The following FMO4 variants were observed in gnomAD, a reference collection of about 807,000 sequenced individuals.
FMO4 encodes the protein flavin containing dimethylaniline monoxygenase 4.
A neutral mutation model predicts 43.3 loss-of-function variants in FMO4; 38 were observed. The ratio of observed to expected loss-of-function variants is 0.88; its 90% CI spans 0.68 to 1.15. The LOEUF (loss-of-function observed/expected upper bound fraction) is 1.15. Among genes scored for constraint, FMO4 ranks in the 50% most tolerant of loss-of-function variants. The probability of loss-of-function intolerance (pLI) is 0.00; values close to 1 mark genes in which losing one functional copy is unlikely to be tolerated. For synonymous variants in FMO4, 224 were observed against 232.2 expected (o/e 0.96, Z 0.32); for missense variants, 631 against 663.3 (o/e 0.95, Z 0.54).
intron 3 of FMO4, among the ~76,000 whole-genome samples, chr1:171,321,444 A>G (rs1662419842): frequency 6.6e-6 from 1 of 152,166 alleles, no homozygotes. Flanking sequence ...TAGCCTACAC[A>G]CATCCTCCTG....
In FMO4 at chr1:171,317,858, A is replaced by G. The variant is rs1662258575; in HGVS notation, c.-9+1531A>G. On this transcript the variant is annotated intron_variant, in intron 2 of 9. Transcript: ENST00000367749. ...ATTCTTTAGGACTCTAAATGCTTTG[A>G]ATCAAAACCAACATTTCTACTGACT... Among the ~76,000 whole-genome samples, 4 of 152,304 alleles carry G rather than the reference A, an allele frequency of 2.6e-5. No individual in the cohort carries two copies. In the South Asian group the frequency reaches 8.3e-4, roughly 32 times the overall value.
intron 5 of FMO4, among the ~76,000 whole-genome samples, chr1:171,330,192 G>A (rs1414598804): frequency 6.6e-5 from 10 of 152,208 alleles, no homozygotes; most frequent in African/African-American, 1.9e-4. Context: ...AAAGGAACTT[G>A]AAGCCTTGGA....
chr1:171,332,630 T>A, intron 6 of FMO4, 79 bp from the exon 7 acceptor site: 1 of 1,188,886 alleles, frequency 8.4e-7, no homozygotes, highest in South Asian at 1.3e-5. Context: ...TGGAATAAGA[T>A]CATTTGAAAC....
In FMO4 at chr1:171,341,306, C is replaced by T. The variant is rs1290587054; in HGVS notation, c.1251-107C>T. The stretch of plus-strand genomic sequence containing the variant: ...AACATTCCCAAATATGGTTTGATTT[C>T]CCCCAAAAAATGTAACAAAATGGTG... On this transcript the variant is annotated intron_variant, in intron 9 of 9. Transcript: ENST00000367749. 7 of 773,972 alleles carry T rather than the reference C, an allele frequency of 9.0e-6. No individual in the cohort carries two copies. In the African/African-American group the frequency reaches 1.0e-4, roughly 12 times the overall value. The allele number at this position is 773,972 out of a possible 1,614,324, so 47.9% of individuals were successfully genotyped here.
In FMO4 at chr1:171,337,411, A is replaced by G. The variant is rs1166499900; in HGVS notation, c.1236A>G (p.Glu412=). 6.2e-7 allele frequency: 1 copy of G among 1,610,190 alleles called. No individual in the cohort carries two copies. The highest frequency in any genetic ancestry group is 1.3e-5 in the African/African-American group (1 of 74,958). ...QKLMMEATEK[E]QLIKRGVFKD... The stretch of plus-strand genomic sequence containing the variant: ...TGATGATGGAGGCTACTGAAAAGGA[A>G]CAGCTCATTAAAAGGTATGAAATGT... Residue 412 remains glutamate (E), a synonymous_variant, in exon 9 of 10, where the codon GAA becomes GAG. Coordinates refer to ENST00000367749, the MANE Select transcript of FMO4 (RefSeq NM_002022.3).
rs79326921 is a variant in FMO4, at chr1:171,336,388, T to G, written c.1181-968T>G. Among the ~76,000 whole-genome samples the G allele has an allele frequency of 7.9e-3, 1,207 of 152,150 alleles. 17 individuals carry two copies. The highest frequency in any genetic ancestry group is 0.028 in the African/African-American group (1,152 of 41,512). On this transcript the variant is annotated intron_variant, in intron 8 of 9. Coordinates refer to ENST00000367749, the MANE Select transcript of FMO4 (RefSeq NM_002022.3). ...GGACAACTGCAGAGAATTATCAGGG[T>G]GCAAGCTGTTAAGGGAGAATAAGGT...
At chr1:171,330,469 A>C (rs1027485885) in intron 5 of FMO4, among the ~76,000 whole-genome samples, 1 of 152,228 alleles carries the variant, frequency 6.6e-6, no homozygotes, top group Non-Finnish European at 1.5e-5. Context: ...TCATAAAGGA[A>C]AGAAGTTTAA....
chr1:171,339,758 T>A (rs45589839), intron 9 of FMO4, among the ~76,000 whole-genome samples: 266 of 152,228 alleles, frequency 1.7e-3, no homozygotes, highest in African/African-American at 6.2e-3. Flanking sequence ...GAGGAACAGT[T>A]GATGAAGCTG....
intron 2 of FMO4, among the ~76,000 whole-genome samples, chr1:171,318,668 C>G (rs921307814): frequency 1.3e-5 from 2 of 152,068 alleles, no homozygotes; most frequent in African/African-American, 2.4e-5. Context: ...TGGAGTATTT[C>G]AAATTTTGGA....
At chr1:171,316,967 A>T (rs989476399) in intron 2 of FMO4, among the ~76,000 whole-genome samples, 1 of 152,172 alleles carries the variant, frequency 6.6e-6, no homozygotes, top group Admixed American at 6.5e-5. Context: ...GACAAGCTAC[A>T]GAGCCATAGA....
chr1:171,331,863 C>T, intron 6 of FMO4, 81 bp downstream of exon 6: 1 of 1,262,768 alleles, frequency 7.9e-7, no homozygotes, highest in Non-Finnish European at 1.1e-6. Flanking sequence ...CTATGAAGTA[C>T]ATTGGCCAAT....
chr1:171,334,572 A>G lies in FMO4; in HGVS notation c.989A>G (p.Tyr330Cys). 6.2e-7 allele frequency: 1 copy of G among 1,613,776 alleles called. No homozygotes were observed. The highest frequency in any genetic ancestry group is 8.5e-7 in the Non-Finnish European group (1 of 1,179,726). The change falls in exon 8 of 10, where the codon TAT (tyrosine) becomes TGT (cysteine). Residue 330 changes from tyrosine (Y) to cysteine (C), a missense_variant. Physicochemically the swap from Tyr to Cys is radical, Grantham distance 194. Coordinates refer to ENST00000367749, the MANE Select transcript of FMO4 (RefSeq NM_002022.3). Reference protein sequence around the residue: ...NIDVVIFTTGYTFSFPFFEEP... With the variant: ...NIDVVIFTTGCTFSFPFFEEP... Reference sequence around the variant, plus strand: ...GATGTTGTGATCTTCACTACAGGATATACATTTTCTTTTCCATTTTTTGAA... The same window carrying G: ...GATGTTGTGATCTTCACTACAGGATGTACATTTTCTTTTCCATTTTTTGAA...
chr1:171,317,237 C>G lies in FMO4; in HGVS notation c.-9+910C>G, dbSNP rs1490534637. Among the ~76,000 whole-genome samples the G allele has an allele frequency of 2.6e-5, 4 of 152,150 alleles. No individual in the cohort carries two copies. The South Asian group carries it at 8.3e-4, about 31-fold the overall frequency. ...TCAAAAAATATATGCTCTCTTGTTT[C>G]CCCAAGGCAAATACCACTGTGATAA... On this transcript the variant is annotated intron_variant, in intron 2 of 9. Transcript: ENST00000367749.
At chr1:171,319,737 C>T (rs1662327344) in intron 2 of FMO4, 81 bp from the exon 3 acceptor site, 6 of 1,262,870 alleles carry the variant, frequency 4.8e-6, no homozygotes, top group Non-Finnish European at 6.8e-6. Flanking sequence ...ATATATAGCA[C>T]TACAAAAATT....
chr1:171,320,882 T>C (rs908360985), intron 3 of FMO4, among the ~76,000 whole-genome samples: 2 of 151,994 alleles, frequency 1.3e-5, no homozygotes, highest in Non-Finnish European at 2.9e-5. Context: ...CTAAATGCTA[T>C]AGGGGAAAAG....
At position 171,341,583 on chromosome 1, in the gene FMO4, T is replaced by C. The variant is rs760692543; in HGVS notation, c.1421T>C (p.Met474Thr). 141 of 1,613,916 alleles carry C rather than the reference T, an allele frequency of 8.7e-5. 2 individuals are homozygous for C. In the South Asian group the frequency reaches 1.5e-3, roughly 17 times the overall value. The stretch of plus-strand genomic sequence containing the variant: ...TGTACTCCTTATCAGTACCGCCTCA[T>C]GGGCCCTGGAAAATGGGATGGAGCC... ...GPCTPYQYRL[M>T]GPGKWDGARN... The change falls in exon 10 of 10, where the codon ATG becomes ACG. Residue 474 changes from methionine to threonine, a missense_variant. Coordinates refer to ENST00000367749, the MANE Select transcript of FMO4 (RefSeq NM_002022.3).
At chr1:171,320,444 G>T (rs561920663) in intron 3 of FMO4, among the ~76,000 whole-genome samples, 16 of 152,148 alleles carry the variant, frequency 1.1e-4, no homozygotes, top group African/African-American at 3.9e-4. Flanking sequence ...CTTGTGGGAG[G>T]GGGAGGGTTC....
chr1:171,314,235 G>GA lies in FMO4; in HGVS notation c.-325dup, dbSNP rs925452114. Reference sequence around the variant, plus strand: ...ACTTTCTGCTGTCACTAGCATAACAGAAAAGACGAATGGCTTTTGTTTTAA... The same window carrying GA: ...ACTTTCTGCTGTCACTAGCATAACAGAAAAAGACGAATGGCTTTTGTTTTAA... On this transcript the variant is annotated 5_prime_UTR_variant, in exon 1 of 10. Transcript: ENST00000367749. 3.0e-4 allele frequency: 46 copies of GA among 152,064 alleles called. No individual in the cohort carries two copies. Among genetic ancestry groups the GA allele is most frequent in the Middle Eastern group, 3.4e-3 (1 of 294 alleles). 9.4% of individuals were successfully genotyped at this position (152,064 alleles called of 1,614,324 possible). A position where few individuals can be genotyped will look rare whatever the true frequency, so the allele number is the denominator to read the frequency against.
chr1:171,332,791 GA>G lies in FMO4; in HGVS notation c.712del (p.Arg238AspfsTer15). ...TATCCTTATAATATGATGGTTACAA[GA>G]AGATGCTGTAGTTTTATTGCACAAG... The part of the protein sequence containing the change: ...WGYPYNMMVT[R>X]RCCSFIAQVL... On this transcript the variant is annotated frameshift_variant, in exon 7 of 10. Coordinates refer to ENST00000367749, the MANE Select transcript of FMO4 (RefSeq NM_002022.3). LOFTEE classifies it high-confidence loss of function. 2.5e-6 allele frequency: 4 copies of G among 1,613,348 alleles called. No individual in the cohort carries two copies. The highest frequency in any genetic ancestry group is 3.4e-6 in the Non-Finnish European group (4 of 1,179,392).
Sources: gnomAD v4.1 joint callset for allele counts (sites outside exome capture counted in the v4.1 genomes callset) on GRCh38, gnomAD v4.1.1 for gene constraint, MANE v1.5 for transcripts, NCBI Gene and HGNC (gene_info 2026-07-23, HGNC 2026-07-21) for gene names.